Variants in ADH1B observed in about 807,000 individuals in gnomAD.
The protein encoded by ADH1B is alcohol dehydrogenase 1B (class I), beta polypeptide.
In ADH1B, 29 loss-of-function variants were observed where a neutral mutation model predicts 34.6. The observed-to-expected ratio is 0.84, with a 90% CI of 0.62 to 1.14. The LOEUF is 1.14. Among genes scored for constraint, ADH1B ranks in the 50% most tolerant of loss-of-function variants. The pLI, the probability that ADH1B is intolerant of heterozygous loss-of-function variation, is 0.00. For missense variants in ADH1B, 424 were observed against 468.4 expected, an observed-to-expected ratio of 0.91 and a Z score of 0.87; for synonymous variants, 170 against 175.5, an observed-to-expected ratio of 0.97 and a Z score of 0.25.
At chr4:99,310,940 G>A in intron 7 of ADH1B, 37 bp from the exon 8 acceptor site, 2 of 1,596,838 alleles carry the variant, frequency 1.3e-6, no homozygotes, top group South Asian at 1.1e-5. Flanking sequence ...GATTCAGCTA[G>A]GGTAAGTAGG....
chr4:99,312,972 C>T (rs1004320944), intron 6 of ADH1B, among the ~76,000 whole-genome samples: 4 of 151,924 alleles, frequency 2.6e-5, no homozygotes, highest in East Asian at 3.9e-4. Context: ...CTATGAGATA[C>T]GTAGCTTTTA....
In ADH1B at chr4:99,318,187, A is replaced by G. The variant is rs28913916; in HGVS notation, c.121-3T>C. 1.4e-3 allele frequency: 2,206 copies of G among 1,614,096 alleles called. 30 individuals carry two copies. In the African/African-American group the frequency reaches 0.027, roughly 20 times the overall value. On this transcript the variant is annotated splice_polypyrimidine_tract_variant and splice_region_variant and intron_variant, in intron 2 of 8. Coordinates refer to ENST00000305046, the MANE Select transcript of ADH1B (RefSeq NM_000668.6). ...TGACAGATTCCTACAGCCACCATCT[A>G]CAGAATAAAGAGAAGCTGTTCAGAT... is the stretch of plus-strand genomic sequence containing the variant.
intron 8 of ADH1B, among the ~76,000 whole-genome samples, chr4:99,308,131 A>T (rs182095058): frequency 2.6e-5 from 4 of 152,234 alleles, no homozygotes; most frequent in Admixed American, 2.6e-4. Context: ...CTACATTAGC[A>T]TCTTCAAAAA....
At chr4:99,320,731 C>A in intron 1 of ADH1B, 1 of 1,006,292 alleles carries the variant, frequency 9.9e-7, no homozygotes. Context: ...GTGGAAATTC[C>A]CTGAATTGTA....
intron 6 of ADH1B, 149 bp from the exon 7 acceptor site, chr4:99,311,805 A>G (rs1733761513): frequency 7.8e-7 from 1 of 1,279,498 alleles, no homozygotes; most frequent in East Asian, 2.4e-5. Flanking sequence ...CCTTTTTTGC[A>G]CGGGATAGTG....
Position 99,316,283 on chromosome 4 carries a change from G to C in ADH1B, c.279C>G (p.Leu93=), listed in dbSNP as rs752089296. Residue 93 remains leucine, a synonymous_variant, in exon 4 of 9, where the codon CTC becomes CTG. Transcript: ENST00000305046. ...TGCATTTTCCACACTGAGGAGTAAA[G>C]AGCGGGATGACTTTATCACCTGGAG... ...TVKPGDKVIP[L]FTPQCGKCRV... The C allele has an allele frequency of 8.7e-6, 14 of 1,614,150 alleles. No individual in the cohort carries two copies. Among genetic ancestry groups the C allele is most frequent in the Non-Finnish European group, 1.1e-5 (13 of 1,180,010 alleles).
Position 99,313,960 on chromosome 4 carries a change from A to G in ADH1B, c.689T>C (p.Phe230Ser). 6.2e-7 allele frequency: 1 copy of G among 1,614,144 alleles called. No individual in the cohort carries two copies. Among genetic ancestry groups the G allele is most frequent in the Non-Finnish European group, 8.5e-7 (1 of 1,180,022 alleles). Reference protein sequence around the residue: ...IIAVDINKDKFAKAKELGATE... With the variant: ...IIAVDINKDKSAKAKELGATE... ...GGCACCCAACTCTTTGGCCTTTGCA[A>G]ATTTGTCCTTGTTGATGTCCACCGC... is the stretch of plus-strand genomic sequence containing the variant. Residue 230 changes from phenylalanine to serine, a missense_variant, in exon 6 of 9, where the codon TTT (phenylalanine) becomes TCT (serine). Physicochemically the swap from Phe to Ser is radical, Grantham distance 155. Around this residue, in one of 3 missense-constraint regions of ADH1B, gnomAD observed 291 missense variants for 300.4 expected, o/e 0.97. Transcript: ENST00000305046.
chr4:99,307,827 C>T lies in ADH1B; in HGVS notation c.*13G>A, dbSNP rs1355190831. 1 of 1,613,854 alleles carries T rather than the reference C, an allele frequency of 6.2e-7. No homozygotes were observed. The highest frequency in any genetic ancestry group is 2.2e-5 in the East Asian group (1 of 44,862). The stretch of plus-strand genomic sequence containing the variant: ...GGCTGAAGACTGCTACAGGGGAAGG[C>T]ATCTCTATTGCCTCAAAACGTCAGG... On this transcript the variant is annotated 3_prime_UTR_variant, in exon 9 of 9. Transcript: ENST00000305046.
At position 99,307,182 on chromosome 4, in the gene ADH1B, T is replaced by A. The variant is rs1733629296; in HGVS notation, c.*658A>T. 4 of 152,168 alleles carry A rather than the reference T, an allele frequency of 2.6e-5. No homozygotes were observed. The highest frequency in any genetic ancestry group is 6.5e-5 in the Admixed American group (1 of 15,276). 9.4% of individuals were successfully genotyped at this position (152,168 alleles called of 1,614,324 possible). ...TGAAGCAAGAAATCTGCTATTATTT[T>A]AAAAAATCAATTGTATATCGACCAT... On this transcript the variant is annotated 3_prime_UTR_variant, in exon 9 of 9. Coordinates refer to ENST00000305046, the MANE Select transcript of ADH1B (RefSeq NM_000668.6).
chr4:99,318,028 T>G lies in ADH1B; in HGVS notation c.259+18A>C. The G allele has an allele frequency of 1.9e-6, 3 of 1,613,292 alleles. No homozygotes were observed. Among genetic ancestry groups the G allele is most frequent in the Non-Finnish European group, 2.5e-6 (3 of 1,179,694 alleles). On this transcript the variant is annotated intron_variant, in intron 3 of 8. Transcript: ENST00000305046. ...TGGATGGTGAACCACACGTGTTCCC[T>G]GAGTGTGAATCCTGTACCTGGTTTG...
chr4:99,313,343 T>G (rs1451307264), intron 6 of ADH1B, among the ~76,000 whole-genome samples: 4 of 152,206 alleles, frequency 2.6e-5, no homozygotes, highest in Admixed American at 6.5e-5. Flanking sequence ...TAGGGCATAT[T>G]TTTGTTAATA....
At chr4:99,319,229 T>A (rs1460724684) in intron 1 of ADH1B, 5 of 368,360 alleles carry the variant, frequency 1.4e-5, no homozygotes, top group Non-Finnish European at 2.1e-5. Context: ...AGCTGATATA[T>A]GAAGTTAGAA....
intron 6 of ADH1B, 41 bp from the exon 7 acceptor site, chr4:99,311,697 G>A (rs369838110): frequency 5.7e-5 from 91 of 1,607,498 alleles, no homozygotes; most frequent in South Asian, 3.1e-4. Flanking sequence ...ACGTGGAGTC[G>A]CATAGTTCCT....
chr4:99,318,435 C>T (rs1407688845), intron 2 of ADH1B: 4 of 555,684 alleles, frequency 7.2e-6, no homozygotes, highest in Non-Finnish European at 1.2e-5. Flanking sequence ...ATATTTAAGT[C>T]TTATGTAAGA....
At chr4:99,318,431 A>G in intron 2 of ADH1B, 1 of 567,472 alleles carries the variant, frequency 1.8e-6, no homozygotes, top group Non-Finnish European at 3.0e-6. Flanking sequence ...TGAAATATTT[A>G]AGTCTTATGT....
At chr4:99,316,526 G>T in intron 3 of ADH1B, 1 of 558,594 alleles carries the variant, frequency 1.8e-6, no homozygotes, top group Middle Eastern at 5.0e-4. Flanking sequence ...AAATGTGGGA[G>T]ACCACACAGA....
In ADH1B at chr4:99,315,996, C is replaced by A; in HGVS notation, c.469G>T (p.Ala157Ser). 1 of 1,614,208 alleles carries A rather than the reference C, an allele frequency of 6.2e-7. No homozygotes were observed. The highest frequency in any genetic ancestry group is 8.5e-7 in the Non-Finnish European group (1 of 1,180,032). The stretch of plus-strand genomic sequence containing the variant: ...GAGGCTGCATCAATTTTGGCCACTG[C>A]ATTCTCATCCACCACCGTGTACTGG... ...FSQYTVVDEN[A>S]VAKIDAASPL... The change falls in exon 5 of 9, where the codon GCA becomes TCA. Residue 157 changes from alanine to serine, a missense_variant. By Grantham distance (99) the Ala-to-Ser change is moderately conservative. Around this residue, in one of 3 missense-constraint regions of ADH1B, gnomAD observed 291 missense variants for 300.4 expected, o/e 0.97. Coordinates refer to ENST00000305046, the MANE Select transcript of ADH1B (RefSeq NM_000668.6).
chr4:99,312,193 AG>A (rs1284810664), intron 6 of ADH1B, among the ~76,000 whole-genome samples: 3 of 152,214 alleles, frequency 2.0e-5, no homozygotes, highest in Non-Finnish European at 4.4e-5. Context: ...AAATGGTTAA[AG>A]ATCCCCGTAG....
rs1294962609 is a variant in ADH1B at position 99,307,490 on chromosome 4, C to T, written c.*350G>A. Reference sequence around the variant, plus strand: ...TGTTCAGGGCAAGTAAAAGGGTCCCCTCCACTGGGATTCGATGACTAAAGA... The same window carrying T: ...TGTTCAGGGCAAGTAAAAGGGTCCCTTCCACTGGGATTCGATGACTAAAGA... On this transcript the variant is annotated 3_prime_UTR_variant, in exon 9 of 9. Transcript: ENST00000305046. 3.1e-6 allele frequency: 1 copy of T among 327,560 alleles called. No individual in the cohort carries two copies. Among genetic ancestry groups the T allele is most frequent in the Non-Finnish European group, 5.7e-6 (1 of 175,234 alleles). The allele number at this position is 327,560 out of a possible 1,614,324, so 20.3% of individuals were successfully genotyped here. A position where few individuals can be genotyped will look rare whatever the true frequency, so the allele number is the denominator to read the frequency against.
Sources: allele counts gnomAD v4.1 joint callset (sites outside exome capture counted in the v4.1 genomes callset), GRCh38; gene constraint gnomAD v4.1.1; regional missense constraint gnomAD v4.1.1; transcripts MANE v1.5; gene names NCBI Gene and HGNC (gene_info 2026-07-23, HGNC 2026-07-21).